The following SLC24A2 variants were observed in gnomAD, a reference collection of about 807,000 sequenced individuals.
The protein encoded by SLC24A2 is sodium/potassium/calcium exchanger 2.
Under a neutral mutation model 62.0 loss-of-function variants are expected in SLC24A2, and 36 were observed. The ratio of observed to expected loss-of-function variants is 0.58; its 90% CI spans 0.44 to 0.77. The LOEUF (loss-of-function observed/expected upper bound fraction) is 0.77, where lower values mean the gene tolerates loss of function less well. Ranked by LOEUF, SLC24A2 falls within the 30% of genes least tolerant of loss-of-function variation. SLC24A2 has a pLI of 0.00. For synonymous variants in SLC24A2, 358 were observed against 294.0 expected, an observed-to-expected ratio of 1.22 and a Z score of -2.23; for missense variants, 846 against 817.9, an observed-to-expected ratio of 1.03 and a Z score of -0.42.
the SLC24A2 span, among the ~76,000 whole-genome samples, chr9:20,136,588 GC>G: frequency 6.6e-6 from 1 of 152,048 alleles, no homozygotes; most frequent in Non-Finnish European, 1.5e-5. Context: ...TTACCACTTT[GC>G]CCCCCATACT....
At chr9:20,073,752 C>A in the SLC24A2 span, among the ~76,000 whole-genome samples, 1 of 151,888 alleles carries the variant, frequency 6.6e-6, no homozygotes, top group East Asian at 1.9e-4. Context: ...CTAGAGTTTG[C>A]AGAAAATCTA....
At chr9:19,529,103 G>C (rs1833572845) in intron 8 of SLC24A2, among the ~76,000 whole-genome samples, 1 of 152,200 alleles carries the variant, frequency 6.6e-6, no homozygotes, top group Non-Finnish European at 1.5e-5. Flanking sequence ...AATGCTGTCA[G>C]AGAGCCTCTT....
At chr9:19,973,245 G>A in the SLC24A2 span, among the ~76,000 whole-genome samples, 909 of 152,328 alleles carry the variant, frequency 6.0e-3, 14 homozygotes, top group African/African-American at 0.02. Flanking sequence ...AATGTGCAAT[G>A]CCATGGCATT....
chr9:20,259,816 C>T, the SLC24A2 span, among the ~76,000 whole-genome samples: 10 of 152,226 alleles, frequency 6.6e-5, no homozygotes, highest in African/African-American at 2.2e-4. Context: ...TAGCAGGGCA[C>T]AGTGGCTCAT....
intron 2 of SLC24A2, among the ~76,000 whole-genome samples, chr9:19,744,510 A>C (rs1395372503): frequency 1.3e-5 from 2 of 152,146 alleles, no homozygotes; most frequent in African/African-American, 4.8e-5. Flanking sequence ...GGGAAGGACC[A>C]GACAGGGGTT....
chr9:20,301,232 A>G, the SLC24A2 span, among the ~76,000 whole-genome samples: 2 of 152,214 alleles, frequency 1.3e-5, no homozygotes, highest in Admixed American at 1.3e-4. Flanking sequence ...CTACCTTCCA[A>G]GCAAGTAAAC....
chr9:20,257,777 C>T, the SLC24A2 span, among the ~76,000 whole-genome samples: 1 of 152,186 alleles, frequency 6.6e-6, no homozygotes, highest in African/African-American at 2.4e-5. Context: ...AATGACCTGG[C>T]ACATAGCAAA....
At chr9:19,557,391 G>A (rs1386681875) in intron 7 of SLC24A2, among the ~76,000 whole-genome samples, 1 of 152,160 alleles carries the variant, frequency 6.6e-6, no homozygotes. Context: ...CAAAGCTTTG[G>A]GGAAGAATGA....
Position 19,786,983 on chromosome 9 carries a change from G to T in SLC24A2, c.-117C>A, listed in dbSNP as rs1007486940. On this transcript the variant is annotated 5_prime_UTR_variant, in exon 2 of 11. Transcript: ENST00000341998. This position sits in a 1 kb window ranked among gnomAD's most constrained non-coding sequence, Gnocchi z 5.0. ...CTTGTGGGGTACTTTCACAATCAGG[G>T]ATTGTTATGCTTCACAGGAAACTTT... 2.5e-5 allele frequency: 37 copies of T among 1,470,310 alleles called. No homozygotes were observed. Among genetic ancestry groups the T allele is most frequent in the African/African-American group, 9.8e-5 (7 of 71,412 alleles). The allele number at this position is 1,470,310 out of a possible 1,614,324, so 91.1% of individuals were successfully genotyped here. A position where few individuals can be genotyped will look rare whatever the true frequency, so the allele number is the denominator to read the frequency against.
intron 5 of SLC24A2, among the ~76,000 whole-genome samples, chr9:19,582,923 C>G (rs1183179463): frequency 6.6e-6 from 1 of 152,074 alleles, no homozygotes; most frequent in Non-Finnish European, 1.5e-5. Context: ...CTCCGCACAC[C>G]CACCCAACCA....
At chr9:20,102,431 G>A in the SLC24A2 span, among the ~76,000 whole-genome samples, 1 of 142,982 alleles carries the variant, frequency 7.0e-6, no homozygotes, top group Non-Finnish European at 1.5e-5. Context: ...TCCTAAGTGG[G>A]AGTTGAACAT....
chr9:19,522,656 G>C (rs1481964455), intron 9 of SLC24A2, among the ~76,000 whole-genome samples: 1 of 152,144 alleles, frequency 6.6e-6, no homozygotes, highest in Non-Finnish European at 1.5e-5. Flanking sequence ...CCATTAGTAA[G>C]TTCCATGTAT....
the SLC24A2 span, among the ~76,000 whole-genome samples, chr9:19,903,108 T>C: frequency 2.6e-5 from 4 of 151,970 alleles, no homozygotes; most frequent in Non-Finnish European, 5.9e-5. Context: ...GTGCCAGACC[T>C]TGTGAGACTC....
intron 4 of SLC24A2, among the ~76,000 whole-genome samples, chr9:19,613,475 A>AT (rs929240485): frequency 2.2e-4 from 34 of 152,008 alleles, no homozygotes; most frequent in African/African-American, 8.0e-4. Flanking sequence ...AGATATCACC[A>AT]TTTTTTCTCT....
the SLC24A2 span, among the ~76,000 whole-genome samples, chr9:20,226,790 C>T: frequency 6.6e-6 from 1 of 152,174 alleles, no homozygotes; most frequent in Non-Finnish European, 1.5e-5. Flanking sequence ...GCCTCTGCAA[C>T]TTGTGTAATC....
intron 2 of SLC24A2, among the ~76,000 whole-genome samples, chr9:19,629,353 T>C (rs1375402532): frequency 6.6e-6 from 1 of 152,160 alleles, no homozygotes; most frequent in Non-Finnish European, 1.5e-5. Context: ...TGACTTCCAA[T>C]GGAGGTGAGA....
At chr9:19,519,349 T>TGTGTGTGTG (rs1563927309) in intron 10 of SLC24A2, among the ~76,000 whole-genome samples, 1 of 147,582 alleles carries the variant, frequency 6.8e-6, no homozygotes, top group African/African-American at 2.5e-5. Flanking sequence ...TTAAACTTCC[T>TGTGTGTGTG]TGTGTGTGTG....
At chr9:19,821,830 GA>G in the SLC24A2 span, among the ~76,000 whole-genome samples, 1 of 152,106 alleles carries the variant, frequency 6.6e-6, no homozygotes, top group Non-Finnish European at 1.5e-5. Context: ...ATTTAGATAA[GA>G]AAAACTTACA....
chr9:19,879,421 G>C, the SLC24A2 span, among the ~76,000 whole-genome samples: 1 of 152,172 alleles, frequency 6.6e-6, no homozygotes, highest in Non-Finnish European at 1.5e-5. Context: ...AACCTATATA[G>C]AGCATCATAT....
Sources: allele counts gnomAD v4.1 joint callset (sites outside exome capture counted in the v4.1 genomes callset), GRCh38; gene constraint gnomAD v4.1.1; non-coding constraint Gnocchi (gnomAD v3.1); transcripts MANE v1.5; gene names NCBI Gene and HGNC (gene_info 2026-07-23, HGNC 2026-07-21).